The following PDS5B variants were observed in gnomAD, a reference collection of about 807,000 sequenced individuals.
PDS5B encodes sister chromatid cohesion protein PDS5 homolog B.
PDS5B carries 51 observed loss-of-function variants against 184.1 expected under a neutral mutation model. The observed-to-expected ratio is 0.28, with a 90% CI of 0.22 to 0.35. The LOEUF (loss-of-function observed/expected upper bound fraction) is 0.35. Ranked by LOEUF, PDS5B falls within the 10% of genes least tolerant of loss-of-function variation. The pLI is 1.00. For synonymous variants in PDS5B, 566 were observed against 569.2 expected, an observed-to-expected ratio of 0.99 and a Z score of 0.08; for missense variants, 1,180 against 1,723.3, an observed-to-expected ratio of 0.68 and a Z score of 5.58.
At chr13:32,706,853 C>CACAT in intron 17 of PDS5B, 81 bp from the exon 18 acceptor site, 1 of 766,170 alleles carries the variant, frequency 1.3e-6, no homozygotes, top group Non-Finnish European at 2.2e-6. Context: ...TATGTATGTG[C>CACAT]ACATATATGT....
chr13:32,681,604 C>T (rs1211954781), intron 10 of PDS5B, among the ~76,000 whole-genome samples: 4 of 149,430 alleles, frequency 2.7e-5, no homozygotes, highest in South Asian at 2.1e-4. Context: ...CCAGCCTGGG[C>T]GATAGAGCAA....
chr13:32,682,277 C>T (rs1951269145), intron 10 of PDS5B, among the ~76,000 whole-genome samples: 1 of 152,074 alleles, frequency 6.6e-6, no homozygotes, highest in East Asian at 1.9e-4. Flanking sequence ...GCCAAAAAGT[C>T]CCCCTGTATC....
chr13:32,664,632 G>A (rs1483821274), intron 6 of PDS5B, among the ~76,000 whole-genome samples: 1 of 152,146 alleles, frequency 6.6e-6, no homozygotes, highest in Non-Finnish European at 1.5e-5. Context: ...GGGAAGCCGA[G>A]GCAGGGGAAT....
intron 19 of PDS5B, among the ~76,000 whole-genome samples, chr13:32,721,214 G>A (rs892845222): frequency 2.0e-5 from 3 of 152,170 alleles, no homozygotes; most frequent in Non-Finnish European, 2.9e-5. Context: ...CCCAGACGTG[G>A]CAGCCGGGCA....
chr13:32,753,502 G>A lies in PDS5B; in HGVS notation c.2907G>A (p.Arg969=). 2 of 1,613,664 alleles carry A rather than the reference G, an allele frequency of 1.2e-6. No homozygotes were observed. Among genetic ancestry groups the A allele is most frequent in the Non-Finnish European group, 1.7e-6 (2 of 1,179,670 alleles). Residue 969 remains arginine, a synonymous_variant, in exon 25 of 35, where the codon AGG becomes AGA. Coordinates refer to ENST00000315596, the MANE Select transcript of PDS5B (RefSeq NM_015032.4). ...GTTTGGTGAAAAATATAAATGTAAG[G>A]CGGGAGTATCTGAAGCAGCATGCAG... ...RQCLVKNINV[R]REYLKQHAAV...
At chr13:32,594,897 A>G (rs1434992555) in intron 1 of PDS5B, among the ~76,000 whole-genome samples, 1 of 151,826 alleles carries the variant, frequency 6.6e-6, no homozygotes, top group Non-Finnish European at 1.5e-5. Flanking sequence ...TTGCTTTTTT[A>G]GTTTATTCTG....
intron 1 of PDS5B, among the ~76,000 whole-genome samples, chr13:32,591,859 T>G (rs1050854395): frequency 2.6e-5 from 4 of 152,080 alleles, no homozygotes; most frequent in African/African-American, 9.7e-5. Flanking sequence ...CTGAGAGAAG[T>G]GGGACTTTAA....
chr13:32,700,925 A>C (rs2140870442), intron 16 of PDS5B: 1 of 157,842 alleles, frequency 6.3e-6, no homozygotes, highest in Non-Finnish European at 1.4e-5. Context: ...TAAATACAGG[A>C]ATCTATAGTT....
chr13:32,661,861 T>G (rs1269307790), intron 6 of PDS5B, among the ~76,000 whole-genome samples: 1 of 152,198 alleles, frequency 6.6e-6, no homozygotes. Context: ...TAAATGAATC[T>G]TATGTAAAAT....
chr13:32,591,629 C>A (rs181511219), intron 1 of PDS5B, among the ~76,000 whole-genome samples: 4 of 152,238 alleles, frequency 2.6e-5, no homozygotes, highest in South Asian at 2.1e-4. Flanking sequence ...CATGTATTTA[C>A]CAACATTGGA....
At chr13:32,733,350 C>T (rs1953191637) in intron 20 of PDS5B, among the ~76,000 whole-genome samples, 1 of 152,060 alleles carries the variant, frequency 6.6e-6, no homozygotes. Context: ...TTTTGAGGTT[C>T]CACTAATCTA....
At chr13:32,638,260 C>T (rs35968922) in intron 1 of PDS5B, among the ~76,000 whole-genome samples, 2,346 of 152,288 alleles carry the variant, frequency 0.015, 22 homozygotes, top group Non-Finnish European at 0.022. Flanking sequence ...ATAACGCCAT[C>T]TCAGATTCTA....
At chr13:32,652,042 G>A (rs1246279310) in intron 3 of PDS5B, 35 bp downstream of exon 3, 3 of 1,364,880 alleles carry the variant, frequency 2.2e-6, no homozygotes, top group South Asian at 1.2e-5. Flanking sequence ...AAGATTGACC[G>A]ATACTTTGAT....
At chr13:32,729,608 G>A (rs1035744702) in intron 19 of PDS5B, among the ~76,000 whole-genome samples, 9 of 152,166 alleles carry the variant, frequency 5.9e-5, no homozygotes, top group Middle Eastern at 6.4e-3. Flanking sequence ...TCCAGCATCT[G>A]TTGTTTCCTG....
chr13:32,741,874 A>G (rs1953571743), intron 22 of PDS5B, among the ~76,000 whole-genome samples: 1 of 152,092 alleles, frequency 6.6e-6, no homozygotes, highest in Non-Finnish European at 1.5e-5. Context: ...TTTGAGTCTC[A>G]GTATAAACCT....
At chr13:32,653,349 A>T (rs1446979599) in intron 3 of PDS5B, among the ~76,000 whole-genome samples, 1 of 152,156 alleles carries the variant, frequency 6.6e-6, no homozygotes. Context: ...CCATAGAAAG[A>T]TTATTAATCC....
intron 25 of PDS5B, among the ~76,000 whole-genome samples, chr13:32,754,287 G>T (rs1446986055): frequency 1.3e-5 from 2 of 152,070 alleles, no homozygotes; most frequent in Non-Finnish European, 2.9e-5. Context: ...TGAAATTTCT[G>T]TTGATTCTCT....
At chr13:32,676,665 C>G (rs1482598920) in intron 9 of PDS5B, among the ~76,000 whole-genome samples, 1 of 152,156 alleles carries the variant, frequency 6.6e-6, no homozygotes, top group Non-Finnish European at 1.5e-5. Flanking sequence ...GGCGCGGTGG[C>G]TCATGCCTGT....
At chr13:32,721,228 G>A (rs1952671045) in intron 19 of PDS5B, among the ~76,000 whole-genome samples, 1 of 151,964 alleles carries the variant, frequency 6.6e-6, no homozygotes, top group Non-Finnish European at 1.5e-5. Context: ...CCGGGCAGAG[G>A]CGACCCCCAC....
Sources: gnomAD v4.1 joint callset for allele counts (sites outside exome capture counted in the v4.1 genomes callset) on GRCh38, gnomAD v4.1.1 for gene constraint, MANE v1.5 for transcripts, NCBI Gene and HGNC (gene_info 2026-07-23, HGNC 2026-07-21) for gene names.